Variants in RNF8 observed in about 807,000 individuals in gnomAD.
The protein encoded by RNF8 is ring finger protein 8, also known as E3 ubiquitin-protein ligase RNF8.
RNF8 carries 8 observed loss-of-function variants against 59.3 expected under a neutral mutation model. The observed-to-expected ratio is 0.13, with a 90% CI of 0.08 to 0.24. The LOEUF (loss-of-function observed/expected upper bound fraction) is 0.24. Among genes scored for constraint, RNF8 ranks in the 10% least tolerant of loss-of-function variants. The pLI is 1.00. For synonymous variants in RNF8, 162 were observed against 200.0 expected, an observed-to-expected ratio of 0.81 and a Z score of 1.60; for missense variants, 406 against 572.6, an observed-to-expected ratio of 0.71 and a Z score of 2.97.
At chr6:37,389,140 G>C (rs195430) in intron 7 of RNF8, among the ~76,000 whole-genome samples, 9,661 of 152,088 alleles carry the variant, frequency 0.064, 980 homozygotes, top group African/African-American at 0.21. Context: ...AGTATTTTCA[G>C]GGCATTGAAG....
intron 2 of RNF8, among the ~76,000 whole-genome samples, chr6:37,364,400 T>C (rs928653603): frequency 4.6e-5 from 7 of 152,292 alleles, no homozygotes; most frequent in Admixed American, 3.9e-4. Context: ...TTTGACCTTA[T>C]GGTAGTTACA....
chr6:37,371,140 T>TGAGTG (rs1267458544), intron 3 of RNF8, among the ~76,000 whole-genome samples: 1 of 152,144 alleles, frequency 6.6e-6, no homozygotes, highest in African/African-American at 2.4e-5. Context: ...CTAGATGTTG[T>TGAGTG]GAGTGCCAGC....
intron 7 of RNF8, among the ~76,000 whole-genome samples, chr6:37,381,968 C>G (rs1200074094): frequency 6.6e-6 from 1 of 152,186 alleles, no homozygotes; most frequent in African/African-American, 2.4e-5. Flanking sequence ...TACCACTTTA[C>G]TAACAGCTGT....
At chr6:37,364,974 G>A (rs1416280724) in intron 2 of RNF8, among the ~76,000 whole-genome samples, 2 of 152,082 alleles carry the variant, frequency 1.3e-5, no homozygotes, top group Non-Finnish European at 2.9e-5. Context: ...TCACCATGTT[G>A]GCCAGGCTGG....
At chr6:37,365,061 AC>A (rs1302436215) in intron 2 of RNF8, among the ~76,000 whole-genome samples, 1 of 152,068 alleles carries the variant, frequency 6.6e-6, no homozygotes. Context: ...GAGCCACCAC[AC>A]CTGGCCTGTA....
chr6:37,381,454 C>G, intron 7 of RNF8, 100 bp downstream of exon 7: 5 of 1,024,804 alleles, frequency 4.9e-6, no homozygotes, highest in Non-Finnish European at 7.3e-6. Context: ...ATAAACAATT[C>G]TTGAACTAGG....
chr6:37,385,683 G>A (rs1008447211), intron 7 of RNF8, among the ~76,000 whole-genome samples: 2 of 152,062 alleles, frequency 1.3e-5, no homozygotes, highest in Non-Finnish European at 2.9e-5. Context: ...TAATGGGATA[G>A]AACAAAATTG....
At chr6:37,363,628 T>C (rs1769416044) in intron 2 of RNF8, among the ~76,000 whole-genome samples, 1 of 152,216 alleles carries the variant, frequency 6.6e-6, no homozygotes, top group African/African-American at 2.4e-5. Context: ...TTGGTAAGGA[T>C]ATGGAGTGAT....
At chr6:37,376,883 T>C in intron 5 of RNF8, 43 bp from the exon 6 acceptor site, 1 of 1,426,594 alleles carries the variant, frequency 7.0e-7, no homozygotes, top group Non-Finnish European at 9.9e-7. Flanking sequence ...TTTTGCATTT[T>C]TGTTGGTTCT....
At chr6:37,382,586 G>A (rs1001785004) in intron 7 of RNF8, among the ~76,000 whole-genome samples, 2 of 152,118 alleles carry the variant, frequency 1.3e-5, no homozygotes, top group Non-Finnish European at 2.9e-5. Flanking sequence ...GACGGGGTTG[G>A]GGGGTGGACC....
chr6:37,388,091 G>A (rs188083582), intron 7 of RNF8, among the ~76,000 whole-genome samples: 18 of 152,230 alleles, frequency 1.2e-4, no homozygotes, highest in African/African-American at 3.9e-4. Flanking sequence ...GTGAAGAGAC[G>A]ACATGGTGCT....
intron 2 of RNF8, among the ~76,000 whole-genome samples, chr6:37,367,350 T>C (rs1769599609): frequency 6.6e-6 from 1 of 152,232 alleles, no homozygotes; most frequent in Non-Finnish European, 1.5e-5. Context: ...CCAGGATCTG[T>C]GCTCTTAACC....
chr6:37,369,354 A>C, intron 3 of RNF8, 136 bp downstream of exon 3: 1 of 1,100,546 alleles, frequency 9.1e-7, no homozygotes, highest in Non-Finnish European at 1.3e-6. Flanking sequence ...GAATGGGAAC[A>C]GTAAACTTTT....
In RNF8 at chr6:37,355,684, G is replaced by A. The variant is rs905558070; in HGVS notation, c.111+1409G>A. On this transcript the variant is annotated intron_variant, in intron 1 of 7. Transcript: ENST00000373479. ...AAGGGTTACTTGTATGCTGTGGTTT[G>A]AGGAACACCAAGAAAACATCTCTGC... Among the ~76,000 whole-genome samples, 5 of 152,248 alleles carry A rather than the reference G, an allele frequency of 3.3e-5. No individual in the cohort carries two copies. The South Asian group carries it at 6.2e-4, about 19-fold the overall frequency.
Position 37,390,854 on chromosome 6 carries a change from G to C in RNF8, c.*96G>C, listed in dbSNP as rs758505671. 19 of 1,609,628 alleles carry C rather than the reference G, an allele frequency of 1.2e-5. No individual in the cohort carries two copies. The highest frequency in any genetic ancestry group is 1.5e-5 in the Non-Finnish European group (18 of 1,176,054). On this transcript the variant is annotated 3_prime_UTR_variant, in exon 8 of 8. Coordinates refer to ENST00000373479, the MANE Select transcript of RNF8 (RefSeq NM_003958.4). Reference sequence around the variant, plus strand: ...CTAGCCGTGACTCCGCTGCTCTGAAGGTCAACTGAGAAGTCTTGTGGGACA... The same window carrying C: ...CTAGCCGTGACTCCGCTGCTCTGAACGTCAACTGAGAAGTCTTGTGGGACA...
At chr6:37,372,434 A>G (rs555357356) in intron 4 of RNF8, among the ~76,000 whole-genome samples, 107 of 152,356 alleles carry the variant, frequency 7.0e-4, no homozygotes, top group South Asian at 2.3e-3. Flanking sequence ...AATTAATTCA[A>G]TCTTTTTAGA....
intron 7 of RNF8, among the ~76,000 whole-genome samples, chr6:37,384,037 A>G (rs768565475): frequency 5.9e-5 from 9 of 152,094 alleles, no homozygotes; most frequent in Non-Finnish European, 1.3e-4. Context: ...AAAAAAAACA[A>G]GCAATGTAGA....
intron 7 of RNF8, among the ~76,000 whole-genome samples, chr6:37,383,251 A>G (rs527304646): frequency 4.7e-4 from 71 of 152,310 alleles, no homozygotes; most frequent in African/African-American, 1.6e-3. Context: ...TTCTCTAGAG[A>G]CAGACAGGTT....
rs1770767294 is a variant in RNF8, at chr6:37,392,988, T to C, written c.*2230T>C. The C allele has an allele frequency of 5.2e-6, 1 of 192,866 alleles. No individual in the cohort carries two copies. The highest frequency in any genetic ancestry group is 1.2e-4 in the East Asian group (1 of 8,580). 11.9% of individuals were successfully genotyped at this position (192,866 alleles called of 1,614,324 possible). On this transcript the variant is annotated 3_prime_UTR_variant, in exon 8 of 8. Coordinates refer to ENST00000373479, the MANE Select transcript of RNF8 (RefSeq NM_003958.4). ...CATCTTGACTTGAGCCTGAAGACTA[T>C]GTACAGAGACTGACCTCACAGACTG...
Sources: allele counts gnomAD v4.1 joint callset (sites outside exome capture counted in the v4.1 genomes callset), GRCh38; gene constraint gnomAD v4.1.1; transcripts MANE v1.5; gene names NCBI Gene and HGNC (gene_info 2026-07-23, HGNC 2026-07-21).